Variants in IL1RAPL2 observed in about 807,000 individuals in gnomAD.
The protein encoded by IL1RAPL2 is X-linked interleukin-1 receptor accessory protein-like 2.
In IL1RAPL2, 3 loss-of-function variants were observed where a neutral mutation model predicts 44.1. That is an observed-to-expected ratio of 0.07 (90% CI 0.03 to 0.18). IL1RAPL2 has a LOEUF of 0.18. Ranked by LOEUF, IL1RAPL2 falls within the 10% of genes least tolerant of loss-of-function variation. The probability of loss-of-function intolerance (pLI) is 1.00; values close to 1 mark genes in which losing one functional copy is unlikely to be tolerated. For synonymous variants in IL1RAPL2, 181 were observed against 178.8 expected, an observed-to-expected ratio of 1.01 and a Z score of -0.10; for missense variants, 391 against 496.4, an observed-to-expected ratio of 0.79 and a Z score of 2.02.
chrX:105,553,154 G>A (rs184574329), intron 6 of IL1RAPL2, among the ~76,000 whole-genome samples: 2 of 112,108 alleles, frequency 1.8e-5, no homozygotes, highest in East Asian at 5.6e-4. Flanking sequence ...TCTCCTTAGA[G>A]AGGGAATAAA....
In IL1RAPL2 at chrX:105,234,983, T is replaced by C. The variant is rs782698240; in HGVS notation, c.543+979T>C. On this transcript the variant is annotated intron_variant, in intron 4 of 10. Transcript: ENST00000372582. ...AAGAGTGGAGGAAGCTGCCAAGAGA[T>C]ACAGCCTTAAAGGAACATATGAGGG... Among the ~76,000 whole-genome samples, 8 of 110,296 alleles carry C rather than the reference T, an allele frequency of 7.3e-5. No homozygotes were observed. The South Asian group carries it at 3.1e-3, about 43-fold the overall frequency.
chrX:105,485,292 A>G (rs777998345), intron 6 of IL1RAPL2, among the ~76,000 whole-genome samples: 7 of 111,274 alleles, frequency 6.3e-5, no homozygotes, highest in African/African-American at 2.0e-4. Flanking sequence ...TCATTTAGAA[A>G]GGTTTTTCTT....
At chrX:105,116,081 C>A (rs958146506) in intron 2 of IL1RAPL2, among the ~76,000 whole-genome samples, 2 of 97,799 alleles carry the variant, frequency 2.0e-5, no homozygotes, top group African/African-American at 7.5e-5. Context: ...TTCCCGCCTG[C>A]GCCTCTCCCT....
intron 5 of IL1RAPL2, among the ~76,000 whole-genome samples, chrX:105,276,812 C>A (rs1174171531): frequency 8.9e-6 from 1 of 111,771 alleles, no homozygotes; most frequent in East Asian, 2.8e-4. Context: ...ATTTCCATCT[C>A]TAGCAGTGAG....
chrX:104,594,156 G>A (rs1294186643), intron 1 of IL1RAPL2, among the ~76,000 whole-genome samples: 2 of 111,808 alleles, frequency 1.8e-5, no homozygotes, highest in Non-Finnish European at 3.8e-5. Context: ...TCATTATGGA[G>A]CTTCTGTGTC....
chrX:104,851,688 T>C (rs1045976887), intron 2 of IL1RAPL2, among the ~76,000 whole-genome samples: 2 of 111,642 alleles, frequency 1.8e-5, no homozygotes, highest in South Asian at 3.8e-4. Context: ...TCTTGGTCTG[T>C]TGTGTTGCTG....
chrX:104,954,670 A>G (rs1925667674), intron 2 of IL1RAPL2, among the ~76,000 whole-genome samples: 1 of 111,982 alleles, frequency 8.9e-6, no homozygotes, highest in Admixed American at 9.5e-5. Context: ...GCAAGTAGCT[A>G]GGACTACAGG....
At chrX:104,944,700 A>G (rs190461221) in intron 2 of IL1RAPL2, among the ~76,000 whole-genome samples, 123 of 111,987 alleles carry the variant, frequency 1.1e-3, no homozygotes, top group Non-Finnish European at 1.9e-3. Context: ...CCTTATTTTC[A>G]GCTATTTCAT....
chrX:105,450,251 G>T (rs2036010169), intron 5 of IL1RAPL2, among the ~76,000 whole-genome samples: 1 of 111,399 alleles, frequency 9.0e-6, no homozygotes, highest in Admixed American at 9.5e-5. Flanking sequence ...GGAGATGGGG[G>T]AGTGGTGGCA....
intron 1 of IL1RAPL2, among the ~76,000 whole-genome samples, chrX:104,615,719 T>A (rs1291226984): frequency 1.8e-5 from 2 of 112,326 alleles, no homozygotes; most frequent in African/African-American, 6.5e-5. Context: ...ATAGAATGAT[T>A]TATATTCCTT....
At chrX:105,181,408 T>C (rs1434723284) in intron 2 of IL1RAPL2, among the ~76,000 whole-genome samples, 1 of 111,909 alleles carries the variant, frequency 8.9e-6, no homozygotes, top group East Asian at 2.8e-4. Flanking sequence ...GGTGTATTGT[T>C]AGGTTGTTCA....
intron 2 of IL1RAPL2, among the ~76,000 whole-genome samples, chrX:104,947,332 G>A: frequency 1.0e-5 from 1 of 97,436 alleles, no homozygotes; most frequent in Non-Finnish European, 2.1e-5. Flanking sequence ...TGTCAGATGA[G>A]TAGGTTGTGA....
intron 2 of IL1RAPL2, among the ~76,000 whole-genome samples, chrX:104,861,541 C>T (rs1922495238): frequency 9.0e-6 from 1 of 111,175 alleles, no homozygotes; most frequent in Non-Finnish European, 1.9e-5. Context: ...GGAGTCAAGC[C>T]ATAACCCCAT....
At position 105,622,256 on chromosome X, in the gene IL1RAPL2, A is replaced by T. The variant is rs781351289; in HGVS notation, c.773-95111A>T. On this transcript the variant is annotated intron_variant, in intron 6 of 10. Coordinates refer to ENST00000372582, the MANE Select transcript of IL1RAPL2 (RefSeq NM_017416.2). ...CACAATAAATAAGGTTCATTTTTATAAGCTGAATTAAAAGTCAATAAAAAT... is the reference window on the plus strand; with the variant it reads ...CACAATAAATAAGGTTCATTTTTATTAGCTGAATTAAAAGTCAATAAAAAT... Among the ~76,000 whole-genome samples, 3 of 101,365 alleles carry T rather than the reference A, an allele frequency of 3.0e-5. No homozygotes were observed. In the South Asian group the frequency reaches 1.3e-3, roughly 45 times the overall value. 88.0% of individuals were successfully genotyped at this position (101,365 alleles called of 115,157 possible).
chrX:104,582,596 T>TTTTCTTTCTTTC (rs201257788), intron 1 of IL1RAPL2, among the ~76,000 whole-genome samples: 646 of 52,150 alleles, frequency 0.012, 8 homozygotes, highest in Middle Eastern at 0.022. Flanking sequence ...CTTTCTTTCT[T>TTTTCTTTCTTTC]TTTCTTTCTT....
chrX:104,642,013 C>T (rs1405593015), intron 1 of IL1RAPL2, among the ~76,000 whole-genome samples: 1 of 111,430 alleles, frequency 9.0e-6, no homozygotes, highest in Non-Finnish European at 1.9e-5. Flanking sequence ...CAGGGTTTGG[C>T]AGGGGGTCAA....
chrX:105,579,313 CTT>C (rs948670828), intron 6 of IL1RAPL2, among the ~76,000 whole-genome samples: 1 of 111,311 alleles, frequency 9.0e-6, no homozygotes, highest in African/African-American at 3.3e-5. Flanking sequence ...TTAAAAGTGT[CTT>C]AAATTAGAAA....
intron 2 of IL1RAPL2, among the ~76,000 whole-genome samples, chrX:104,798,534 C>A (rs1932865670): frequency 9.1e-6 from 1 of 109,454 alleles, no homozygotes; most frequent in South Asian, 4.0e-4. Flanking sequence ...GGCGTGGTGG[C>A]AGGTGCCTGT....
chrX:104,842,285 C>G (rs762154979), intron 2 of IL1RAPL2, among the ~76,000 whole-genome samples: 3 of 110,104 alleles, frequency 2.7e-5, no homozygotes, highest in Non-Finnish European at 5.7e-5. Context: ...GTTAGTAGTT[C>G]CTATCACTTT....
Sources: gnomAD v4.1 joint callset for allele counts (sites outside exome capture counted in the v4.1 genomes callset) on GRCh38, gnomAD v4.1.1 for gene constraint, MANE v1.5 for transcripts, NCBI Gene and HGNC (gene_info 2026-07-23, HGNC 2026-07-21) for gene names.